Variants in POLA2 observed in about 807,000 individuals in gnomAD.
The protein encoded by POLA2 is DNA polymerase alpha 2, accessory subunit, also known as DNA polymerase alpha subunit B.
A neutral mutation model predicts 82.8 loss-of-function variants in POLA2; 47 were observed. The ratio of observed to expected loss-of-function variants is 0.57; its 90% CI spans 0.45 to 0.72. The LOEUF is 0.72. POLA2 is among the 30% of genes least tolerant of loss of function. The pLI, the probability that POLA2 is intolerant of heterozygous loss-of-function variation, is 0.00. For synonymous variants in POLA2, 287 were observed against 286.8 expected (o/e 1.00, Z -0.01); for missense variants, 634 against 728.1 (o/e 0.87, Z 1.49).
intron 1 of POLA2, among the ~76,000 whole-genome samples, chr11:65,263,782 A>G (rs1949427575): frequency 6.6e-6 from 1 of 151,494 alleles, no homozygotes; most frequent in Non-Finnish European, 1.5e-5. Flanking sequence ...AGCCGAGATC[A>G]CACCATTGCA....
chr11:65,304,157 A>G (rs762242502), intron 8 of POLA2, among the ~76,000 whole-genome samples: 1 of 152,058 alleles, frequency 6.6e-6, no homozygotes. Flanking sequence ...GCATCCTACC[A>G]TCCACCCATC....
Position 65,278,723 on chromosome 11 carries a change from C to G in POLA2, c.462-7C>G. On this transcript the variant is annotated splice_region_variant and splice_polypyrimidine_tract_variant and intron_variant, in intron 5 of 17. Transcript: ENST00000265465. ...CAGTAATATTAACCTGTTTTGCTTC[C>G]AATTAGTGCTACTCCCTCCCAGAAA... 1.9e-6 allele frequency: 3 copies of G among 1,610,324 alleles called. No homozygotes were observed. Among genetic ancestry groups the G allele is most frequent in the Non-Finnish European group, 2.5e-6 (3 of 1,178,076 alleles).
rs1949791878 is a variant in POLA2, at chr11:65,294,714, C to T, written c.1460+62C>T. 5.1e-6 allele frequency: 6 copies of T among 1,178,966 alleles called. No individual in the cohort carries two copies. The South Asian group carries it at 6.4e-5, about 13-fold the overall frequency. 73.0% of individuals were successfully genotyped at this position (1,178,966 alleles called of 1,614,324 possible). On this transcript the variant is annotated intron_variant, in intron 15 of 17. Transcript: ENST00000265465. ...GGCTTTCTGGTCCCAGCCCTTTCTG[C>T]AGCCAAGAAAATCAAGGGGCTGCTT... is the stretch of plus-strand genomic sequence containing the variant.
At chr11:65,283,343 A>G (rs1216295161) in intron 10 of POLA2, among the ~76,000 whole-genome samples, 1 of 152,178 alleles carries the variant, frequency 6.6e-6, no homozygotes, top group Admixed American at 6.5e-5. Flanking sequence ...CTTAATTTTG[A>G]CAAATGTTCA....
At chr11:65,278,013 G>GA (rs1266944875) in intron 5 of POLA2, among the ~76,000 whole-genome samples, 3 of 152,296 alleles carry the variant, frequency 2.0e-5, no homozygotes, top group African/African-American at 4.8e-5. Context: ...ATTAAACAAA[G>GA]CCTGTTTTAA....
chr11:65,280,610 G>A, intron 7 of POLA2: 1 of 211,158 alleles, frequency 4.7e-6, no homozygotes. Flanking sequence ...AACAGTGCAT[G>A]GTATTTAGTA....
intron 1 of POLA2, 176 bp from the exon 2 acceptor site, chr11:65,266,406 G>C: frequency 1.6e-6 from 1 of 615,516 alleles, no homozygotes; most frequent in Non-Finnish European, 2.8e-6. Context: ...TCTCCCCTCA[G>C]TGGTGAGCTT....
chr11:65,292,690 G>T (rs534619097), intron 13 of POLA2, among the ~76,000 whole-genome samples: 12 of 152,306 alleles, frequency 7.9e-5, no homozygotes, highest in African/African-American at 2.9e-4. Context: ...TTTGGTCTCA[G>T]GATTCTGATT....
At chr11:65,282,797 G>A (rs1949654998) in intron 10 of POLA2, among the ~76,000 whole-genome samples, 1 of 152,130 alleles carries the variant, frequency 6.6e-6, no homozygotes, top group Admixed American at 6.6e-5. Context: ...AGGTTGCCTT[G>A]GAAAGGAAAA....
At chr11:65,294,414 C>T (rs1949788176) in intron 14 of POLA2, 132 bp from the exon 15 acceptor site, 4 of 985,580 alleles carry the variant, frequency 4.1e-6, no homozygotes, top group Middle Eastern at 4.3e-4. Context: ...CAAATGTGTC[C>T]AAAAGCTTGA....
chr11:65,281,181 G>A (rs564266121), intron 8 of POLA2, 34 bp downstream of exon 8: 190 of 1,606,358 alleles, frequency 1.2e-4, no homozygotes, highest in South Asian at 5.2e-4. Flanking sequence ...GAATGCAGGC[G>A]CACTCTTTAC....
At chr11:65,277,749 G>A (rs1207125891) in intron 5 of POLA2, among the ~76,000 whole-genome samples, 1 of 152,240 alleles carries the variant, frequency 6.6e-6, no homozygotes, top group African/African-American at 2.4e-5. Flanking sequence ...ATGGCTCATG[G>A]AGCTTCCCAG....
intron 1 of POLA2, among the ~76,000 whole-genome samples, 156 bp downstream of exon 1, chr11:65,262,527 A>AGATTTAG (rs1307017312): frequency 1.3e-5 from 2 of 152,102 alleles, no homozygotes; most frequent in Non-Finnish European, 2.9e-5. Flanking sequence ...TTGAGTTTTG[A>AGATTTAG]GATTTAGGAT....
chr11:65,267,596 A>C (rs1949475159), intron 3 of POLA2, 28 bp downstream of exon 3: 3 of 1,346,234 alleles, frequency 2.2e-6, no homozygotes, highest in East Asian at 2.3e-5. Context: ...AGGTCTTTGC[A>C]CCAAGCTACA....
intron 13 of POLA2, among the ~76,000 whole-genome samples, chr11:65,291,710 C>T (rs73484983): frequency 0.022 from 3,314 of 152,260 alleles, 130 homozygotes; most frequent in African/African-American, 0.075. Context: ...TGGTTCCTTA[C>T]CCCGTGTGGT....
chr11:65,267,410 G>C lies in POLA2; in HGVS notation c.205-67G>C, dbSNP rs569260911. 4 of 888,126 alleles carry C rather than the reference G, an allele frequency of 4.5e-6. No individual in the cohort carries two copies. The Admixed American group carries it at 7.1e-5, about 16-fold the overall frequency. 55.0% of individuals were successfully genotyped at this position (888,126 alleles called of 1,614,324 possible). ...TTTGAATACCTTTTATTATCTCAAG[G>C]CTTTTGAAAACACCTCTGCTATTAC... On this transcript the variant is annotated intron_variant, in intron 2 of 17. Coordinates refer to ENST00000265465, the MANE Select transcript of POLA2 (RefSeq NM_002689.4).
In POLA2 at chr11:65,297,469, G is replaced by A; in HGVS notation, c.*200G>A. 2.0e-6 allele frequency: 1 copy of A among 489,130 alleles called. No individual in the cohort carries two copies. Among genetic ancestry groups the A allele is most frequent in the Non-Finnish European group, 3.5e-6 (1 of 289,576 alleles). The allele number at this position is 489,130 out of a possible 1,614,324, so 30.3% of individuals were successfully genotyped here. On this transcript the variant is annotated 3_prime_UTR_variant, in exon 18 of 18. Coordinates refer to ENST00000265465, the MANE Select transcript of POLA2 (RefSeq NM_002689.4). ...CCTCTGAGTGGTGCCTCTCCTGGAA[G>A]GAAGCTCTTGCTTCTCAGTCCATGC...
At chr11:65,274,237 A>C (rs1949552355) in intron 4 of POLA2, among the ~76,000 whole-genome samples, 1 of 152,072 alleles carries the variant, frequency 6.6e-6, no homozygotes, top group Non-Finnish European at 1.5e-5. Flanking sequence ...CTGTAGTCCC[A>C]GCTACTCAAG....
chr11:65,273,840 AG>A (rs1022651662), intron 4 of POLA2, among the ~76,000 whole-genome samples: 3 of 151,706 alleles, frequency 2.0e-5, no homozygotes, highest in Admixed American at 6.6e-5. Flanking sequence ...AATTCTCCCT[AG>A]GGGGAAAAAA....
Sources: allele counts gnomAD v4.1 joint callset (sites outside exome capture counted in the v4.1 genomes callset), GRCh38; gene constraint gnomAD v4.1.1; transcripts MANE v1.5; gene names NCBI Gene and HGNC (gene_info 2026-07-23, HGNC 2026-07-21).